Variants in DTL observed in about 807,000 individuals in gnomAD.
The protein encoded by DTL is denticleless protein homolog.
Under a neutral mutation model 87.0 loss-of-function variants are expected in DTL, and 46 were observed. That is an observed-to-expected ratio of 0.53 (90% CI 0.42 to 0.68). DTL has a LOEUF of 0.68. DTL is among the 30% of genes least tolerant of loss of function. The pLI is 0.00. For missense variants in DTL, 737 were observed against 869.4 expected, an observed-to-expected ratio of 0.85 and a Z score of 1.91; for synonymous variants, 308 against 311.2, an observed-to-expected ratio of 0.99 and a Z score of 0.11.
Position 212,063,916 on chromosome 1 carries a change from G to A in DTL, c.526+967G>A, listed in dbSNP as rs146849763. On this transcript the variant is annotated intron_variant, in intron 6 of 14. Coordinates refer to ENST00000366991, the MANE Select transcript of DTL (RefSeq NM_016448.4). ...TCTTGTTTTTTTTTTTTTTGGAGAC[G>A]GAGTCTCACTCTGTCACCCAGGCTG... Among the ~76,000 whole-genome samples the A allele has an allele frequency of 1.1e-4, 16 of 140,830 alleles. No homozygotes were observed. The East Asian group carries it at 1.3e-3, about 11-fold the overall frequency. 92.4% of individuals were successfully genotyped at this position (140,830 alleles called of 152,430 possible). A position where few individuals can be genotyped will look rare whatever the true frequency, so the allele number is the denominator to read the frequency against.
At chr1:212,067,050 T>C (rs542511912) in intron 8 of DTL, among the ~76,000 whole-genome samples, 165 bp downstream of exon 8, 1 of 152,372 alleles carries the variant, frequency 6.6e-6, no homozygotes, top group South Asian at 2.1e-4. Context: ...AAATACCTAG[T>C]TGAAGGACTC....
Position 212,071,783 on chromosome 1 carries a change from C to G in DTL, c.923-318C>G, listed in dbSNP as rs966021976. On this transcript the variant is annotated intron_variant, in intron 10 of 14. Coordinates refer to ENST00000366991, the MANE Select transcript of DTL (RefSeq NM_016448.4). The stretch of plus-strand genomic sequence containing the variant: ...CTGGAGAGAGAGGGTCTTATAAAGG[C>G]ATTTTACTGCAAGTTGGACATTGGC... 7.9e-5 allele frequency among the ~76,000 whole-genome samples: 12 copies of G among 152,156 alleles called. No individual in the cohort carries two copies. In the East Asian group the frequency reaches 2.1e-3, roughly 27 times the overall value.
chr1:212,035,928 G>C lies in DTL; in HGVS notation c.38G>C (p.Gly13Ala), dbSNP rs1213947578. Reference protein sequence around the residue: ...FNSVLRQPQLGVLRNGWSSQY... With the variant: ...FNSVLRQPQLAVLRNGWSSQY... ...TCGGTGCTCCGCCAGCCCCAGCTTG[G>C]CGTCCTGAGAAATGGTGAGTAACGG... The change falls in exon 1 of 15, where the codon GGC (glycine) becomes GCC (alanine). Residue 13 changes from glycine to alanine, a missense_variant. Transcript: ENST00000366991. The C allele has an allele frequency of 1.9e-6, 3 of 1,614,150 alleles. No individual in the cohort carries two copies. The highest frequency in any genetic ancestry group is 2.5e-6 in the Non-Finnish European group (3 of 1,180,028).
intron 5 of DTL, among the ~76,000 whole-genome samples, chr1:212,059,049 C>A (rs1157703876): frequency 2.0e-5 from 3 of 152,068 alleles, no homozygotes; most frequent in Non-Finnish European, 4.4e-5. Flanking sequence ...AGTCTTCCAA[C>A]AAAGAAAAGT....
intron 12 of DTL, 119 bp downstream of exon 12, chr1:212,078,381 T>C: frequency 1.5e-6 from 1 of 651,416 alleles, no homozygotes. Flanking sequence ...TTTAAAGACC[T>C]AAAGGCCATC....
intron 13 of DTL, among the ~76,000 whole-genome samples, chr1:212,098,595 G>A (rs971408218): frequency 1.3e-5 from 2 of 152,126 alleles, no homozygotes; most frequent in Admixed American, 6.5e-5. Flanking sequence ...GCCTCTGGGC[G>A]ATGGGAGTGG....
intron 5 of DTL, among the ~76,000 whole-genome samples, chr1:212,050,184 TAAATC>T (rs1667924630): frequency 1.3e-5 from 2 of 152,070 alleles, no homozygotes; most frequent in Admixed American, 1.3e-4. Flanking sequence ...ATAAATTAAT[TAAATC>T]AATCGATCTA....
In DTL at chr1:212,067,792, T is replaced by C. The variant is rs370189917; in HGVS notation, c.714-432T>C. Among the ~76,000 whole-genome samples, 55 of 152,338 alleles carry C rather than the reference T, an allele frequency of 3.6e-4. 2 individuals are homozygous for C. In the South Asian group the frequency reaches 0.011, roughly 30 times the overall value. On this transcript the variant is annotated intron_variant, in intron 8 of 14. Coordinates refer to ENST00000366991, the MANE Select transcript of DTL (RefSeq NM_016448.4). ...TAGATGAAATGAAAAAATACTTTATTTCACAGAACAATTTGTTTAGATTAT... is the reference window on the plus strand; with the variant it reads ...TAGATGAAATGAAAAAATACTTTATCTCACAGAACAATTTGTTTAGATTAT...
intron 5 of DTL, among the ~76,000 whole-genome samples, chr1:212,058,000 T>C (rs1668230626): frequency 6.6e-6 from 1 of 152,158 alleles, no homozygotes; most frequent in African/African-American, 2.4e-5. Context: ...TCTATGATGA[T>C]AAATCAGTTC....
intron 5 of DTL, among the ~76,000 whole-genome samples, chr1:212,059,800 A>AC (rs1177504053): frequency 6.7e-6 from 1 of 149,240 alleles, no homozygotes; most frequent in Non-Finnish European, 1.5e-5. Flanking sequence ...AAAAAAAAAA[A>AC]AAACCTCAGA....
At position 212,076,525 on chromosome 1, in the gene DTL, A is replaced by C. The variant is rs1012350046; in HGVS notation, c.1036-1648A>C. Among the ~76,000 whole-genome samples, 6 of 140,554 alleles carry C rather than the reference A, an allele frequency of 4.3e-5. No homozygotes were observed. In the South Asian group the frequency reaches 1.4e-3, roughly 34 times the overall value. 92.2% of individuals were successfully genotyped at this position (140,554 alleles called of 152,430 possible). A position where few individuals can be genotyped will look rare whatever the true frequency, so the allele number is the denominator to read the frequency against. ...TAGGTTCTCCTAGGTATTATAATAC[A>C]GAAACTGAGAAAGGACCAATATCAT... On this transcript the variant is annotated intron_variant, in intron 11 of 14. Coordinates refer to ENST00000366991, the MANE Select transcript of DTL (RefSeq NM_016448.4).
chr1:212,065,736 C>G (rs530452301), intron 7 of DTL, among the ~76,000 whole-genome samples: 2 of 152,164 alleles, frequency 1.3e-5, no homozygotes, highest in African/African-American at 2.4e-5. Context: ...GACAGAGTCT[C>G]GCTCTGTCAC....
At chr1:212,084,490 A>C (rs962090245) in intron 13 of DTL, among the ~76,000 whole-genome samples, 25 of 151,970 alleles carry the variant, frequency 1.6e-4, no homozygotes, top group African/African-American at 5.6e-4. Context: ...CCAGCCCTAA[A>C]AATTTTTTTT....
At chr1:212,058,912 T>C (rs1304161113) in intron 5 of DTL, among the ~76,000 whole-genome samples, 5 of 152,076 alleles carry the variant, frequency 3.3e-5, no homozygotes, top group Non-Finnish European at 5.9e-5. Flanking sequence ...TGTACAACTA[T>C]ACACTAACTA....
At chr1:212,046,301 A>C (rs1186155787) in intron 3 of DTL, among the ~76,000 whole-genome samples, 1 of 152,094 alleles carries the variant, frequency 6.6e-6, no homozygotes, top group Non-Finnish European at 1.5e-5. Flanking sequence ...TTATTATTTT[A>C]AGTTCCAGGG....
intron 11 of DTL, among the ~76,000 whole-genome samples, chr1:212,073,008 G>T (rs1338191737): frequency 1.3e-5 from 2 of 151,998 alleles, no homozygotes; most frequent in Non-Finnish European, 2.9e-5. Flanking sequence ...CTCGTGATCC[G>T]CCCAACTTGG....
intron 5 of DTL, among the ~76,000 whole-genome samples, chr1:212,057,248 A>G (rs1668204643): frequency 1.3e-5 from 2 of 152,068 alleles, no homozygotes; most frequent in African/African-American, 4.8e-5. Flanking sequence ...AAAAGCAGAG[A>G]AAAAACATCT....
At chr1:212,086,716 C>A (rs1213422271) in intron 13 of DTL, among the ~76,000 whole-genome samples, 1 of 152,164 alleles carries the variant, frequency 6.6e-6, no homozygotes, top group Non-Finnish European at 1.5e-5. Flanking sequence ...ATCTTTTTTG[C>A]AACACTATTT....
intron 13 of DTL, among the ~76,000 whole-genome samples, 161 bp downstream of exon 13, chr1:212,080,911 C>G (rs1401584151): frequency 2.0e-5 from 3 of 152,128 alleles, no homozygotes; most frequent in Non-Finnish European, 4.4e-5. Context: ...CCAAGCACTA[C>G]TATGTTTATC....
Sources: allele counts gnomAD v4.1 joint callset (sites outside exome capture counted in the v4.1 genomes callset), GRCh38; gene constraint gnomAD v4.1.1; transcripts MANE v1.5; gene names NCBI Gene and HGNC (gene_info 2026-07-23, HGNC 2026-07-21).